SGCD: variants seen among roughly 807,000 people sequenced by gnomAD.
SGCD encodes the protein delta-sarcoglycan.
SGCD carries 18 observed loss-of-function variants against 36.6 expected under a neutral mutation model. The observed-to-expected ratio is 0.49, with a 90% CI of 0.34 to 0.73. The LOEUF is 0.73. Ranked by LOEUF, SGCD falls within the 30% of genes least tolerant of loss-of-function variation. The pLI, the probability that SGCD is intolerant of heterozygous loss-of-function variation, is 0.01. For missense variants in SGCD, 387 were observed against 346.7 expected, an observed-to-expected ratio of 1.12 and a Z score of -0.92; for synonymous variants, 133 against 130.6, an observed-to-expected ratio of 1.02 and a Z score of -0.12.
intron 1 of SGCD, among the ~76,000 whole-genome samples, chr5:156,002,392 T>C (rs1581036508): frequency 6.6e-6 from 1 of 152,220 alleles, no homozygotes; most frequent in South Asian, 2.1e-4. Context: ...CTTTGTTGTT[T>C]GAGCCACTCA....
chr5:156,483,520 T>A (rs1755530032), intron 3 of SGCD, among the ~76,000 whole-genome samples: 1 of 152,326 alleles, frequency 6.6e-6, no homozygotes, highest in South Asian at 2.1e-4. Context: ...ACCTCATTTT[T>A]GCATTTGTGC....
Position 156,698,507 on chromosome 5 carries a change from C to T in SGCD, c.575+50971C>T, listed in dbSNP as rs536450079. ...GAACCTCGGAGGCCACATGGCCCAA[C>T]CTGCTGCTAATGCAGAACAGGAGTC... is the stretch of plus-strand genomic sequence containing the variant. On this transcript the variant is annotated intron_variant, in intron 7 of 8. Transcript: ENST00000337851. 3.3e-5 allele frequency among the ~76,000 whole-genome samples: 5 copies of T among 152,304 alleles called. No individual in the cohort carries two copies. The East Asian group carries it at 7.7e-4, about 24-fold the overall frequency.
intron 2 of SGCD, 81 bp from the exon 3 acceptor site, chr5:156,344,408 T>G: frequency 2.1e-6 from 2 of 950,398 alleles, no homozygotes; most frequent in Non-Finnish European, 3.1e-6. Flanking sequence ...TCTTCATCAG[T>G]TGATTTTTTT....
At chr5:155,901,864 C>T (rs914225118) in intron 1 of SGCD, among the ~76,000 whole-genome samples, 5 of 152,262 alleles carry the variant, frequency 3.3e-5, no homozygotes, top group Admixed American at 6.5e-5. Context: ...ATGGTTTCTC[C>T]CCACTTCATA....
chr5:155,869,644 A>AT (rs3085991), upstream of SGCD, among the ~76,000 whole-genome samples: 102 of 148,756 alleles, frequency 6.9e-4, no homozygotes, highest in Admixed American at 1.1e-3. Context: ...CCTTTGGCAG[A>AT]TTTTTTTTTT....
intron 4 of SGCD, among the ~76,000 whole-genome samples, chr5:156,566,798 T>C (rs1736908655): frequency 6.6e-6 from 1 of 152,170 alleles, no homozygotes; most frequent in East Asian, 1.9e-4. Flanking sequence ...GATATTAATG[T>C]CATCATAGAC....
intron 1 of SGCD, among the ~76,000 whole-genome samples, chr5:155,940,978 T>A (rs2113410052): frequency 6.6e-6 from 1 of 152,264 alleles, no homozygotes; most frequent in African/African-American, 2.4e-5. Flanking sequence ...TACCAGAGAC[T>A]GGTAATGTAT....
intron 1 of SGCD, among the ~76,000 whole-genome samples, chr5:156,006,669 A>C (rs991812629): frequency 6.6e-6 from 1 of 152,180 alleles, no homozygotes; most frequent in Non-Finnish European, 1.5e-5. Flanking sequence ...ATACCCCTCA[A>C]TTTAGGCTAC....
rs149688771 is a variant in SGCD, at chr5:156,643,545, G to A, written c.503-3919G>A. Among the ~76,000 whole-genome samples the A allele has an allele frequency of 4.1e-3, 625 of 152,122 alleles. 2 individuals carry two copies. Among genetic ancestry groups the A allele is most frequent in the Non-Finnish European group, 7.6e-3 (518 of 67,996 alleles). Reference sequence around the variant, plus strand: ...TATCTAGAAAATAATAAAATAACAGGAGCGGAAGAAACCTTAAAGATTATG... The same window carrying A: ...TATCTAGAAAATAATAAAATAACAGAAGCGGAAGAAACCTTAAAGATTATG... On this transcript the variant is annotated intron_variant, in intron 6 of 8. Transcript: ENST00000337851.
the SGCD span, among the ~76,000 whole-genome samples, chr5:155,796,011 G>A: frequency 8.2e-4 from 125 of 152,228 alleles, no homozygotes; most frequent in African/African-American, 2.7e-3. Context: ...AAACATAATC[G>A]TAGTGAGTGA....
intron 3 of SGCD, among the ~76,000 whole-genome samples, chr5:156,238,658 A>G (rs984508260): frequency 2.6e-5 from 4 of 152,146 alleles, no homozygotes; most frequent in East Asian, 1.9e-4. Flanking sequence ...TAATGACTGT[A>G]TTGGAAAGCA....
intron 1 of SGCD, among the ~76,000 whole-genome samples, chr5:156,101,391 C>A (rs1761511441): frequency 6.6e-6 from 1 of 152,154 alleles, no homozygotes; most frequent in Admixed American, 6.6e-5. Context: ...TTCCTTACCT[C>A]ACTGGTATGT....
intron 3 of SGCD, among the ~76,000 whole-genome samples, chr5:156,286,152 A>G (rs1294620460): frequency 1.3e-5 from 2 of 152,210 alleles, no homozygotes; most frequent in Admixed American, 6.5e-5. Context: ...TAGAATGGTG[A>G]TCATTAAAAA....
At chr5:155,731,090 A>G in the SGCD span, among the ~76,000 whole-genome samples, 3 of 152,116 alleles carry the variant, frequency 2.0e-5, no homozygotes, top group African/African-American at 7.2e-5. Flanking sequence ...ACAGAGTCAG[A>G]GTAAGAAGAA....
intron 1 of SGCD, among the ~76,000 whole-genome samples, chr5:156,103,290 C>T (rs1761565188): frequency 6.6e-6 from 1 of 152,056 alleles, no homozygotes. Flanking sequence ...GGGTGCCATG[C>T]CCAGTCCTGA....
intron 4 of SGCD, among the ~76,000 whole-genome samples, chr5:156,576,212 A>G (rs1759943593): frequency 6.6e-6 from 1 of 152,016 alleles, no homozygotes; most frequent in South Asian, 2.1e-4. Context: ...GCTCAGAATG[A>G]TGGTTTCCAG....
intron 1 of SGCD, among the ~76,000 whole-genome samples, chr5:155,975,748 A>G (rs966034363): frequency 1.4e-5 from 2 of 144,276 alleles, no homozygotes; most frequent in Admixed American, 7.2e-5. Context: ...TACTGCTTCA[A>G]CCTCCTGAGT....
At chr5:156,752,150 CAA>C (rs1254828769) in intron 7 of SGCD, among the ~76,000 whole-genome samples, 2 of 151,998 alleles carry the variant, frequency 1.3e-5, no homozygotes, top group Non-Finnish European at 2.9e-5. Flanking sequence ...GGAGGGAAAA[CAA>C]AAGTCATTAA....
intron 3 of SGCD, among the ~76,000 whole-genome samples, chr5:156,432,842 A>C (rs1753080327): frequency 6.6e-6 from 1 of 152,150 alleles, no homozygotes; most frequent in Non-Finnish European, 1.5e-5. Flanking sequence ...GTTTAGATCC[A>C]GGCAGCCTGC....
Sources: gnomAD v4.1 joint callset for allele counts (sites outside exome capture counted in the v4.1 genomes callset) on GRCh38, gnomAD v4.1.1 for gene constraint, MANE v1.5 for transcripts, NCBI Gene and HGNC (gene_info 2026-07-23, HGNC 2026-07-21) for gene names.